TPST2: variants seen among roughly 807,000 people sequenced by gnomAD.
The protein encoded by TPST2 is protein-tyrosine sulfotransferase 2.
In TPST2, 16 loss-of-function variants were observed where a neutral mutation model predicts 27.8. The observed-to-expected ratio is 0.58, with a 90% CI of 0.39 to 0.88. TPST2 has a LOEUF of 0.88. Among genes scored for constraint, TPST2 ranks in the 40% least tolerant of loss-of-function variants. TPST2 has a pLI of 0.00. For synonymous variants in TPST2, 229 were observed against 231.7 expected, an observed-to-expected ratio of 0.99 and a Z score of 0.10; for missense variants, 464 against 543.1, an observed-to-expected ratio of 0.85 and a Z score of 1.45.
At chr22:26,579,630 G>C (rs1928009710) in intron 1 of TPST2, among the ~76,000 whole-genome samples, 11 of 152,212 alleles carry the variant, frequency 7.2e-5, no homozygotes, top group Admixed American at 7.2e-4. Context: ...TCTGTGGCAG[G>C]ATGTCAGCCA....
intron 1 of TPST2, among the ~76,000 whole-genome samples, chr22:26,573,059 T>C (rs1927693327): frequency 6.6e-6 from 1 of 152,218 alleles, no homozygotes; most frequent in Non-Finnish European, 1.5e-5. Flanking sequence ...AGGGCTTTAC[T>C]ACCATATTAG....
chr22:26,569,008 C>T (rs1232259292), intron 1 of TPST2, among the ~76,000 whole-genome samples: 2 of 151,990 alleles, frequency 1.3e-5, no homozygotes, highest in African/African-American at 4.8e-5. Context: ...GGACTACAGG[C>T]GCCCACCACC....
intron 3 of TPST2, among the ~76,000 whole-genome samples, chr22:26,540,366 G>A (rs930772809): frequency 3.3e-5 from 5 of 152,200 alleles, no homozygotes; most frequent in Admixed American, 2.0e-4. Flanking sequence ...CTGGGAGGCT[G>A]AGGTGGAAGA....
At chr22:26,535,068 G>A (rs1925374951) in intron 4 of TPST2, among the ~76,000 whole-genome samples, 1 of 152,192 alleles carries the variant, frequency 6.6e-6, no homozygotes, top group Admixed American at 6.5e-5. Flanking sequence ...AGCCCCCAAA[G>A]CTCAGCGTTA....
At chr22:26,531,234 A>C (rs1925143722) in intron 5 of TPST2, among the ~76,000 whole-genome samples, 1 of 152,102 alleles carries the variant, frequency 6.6e-6, no homozygotes, top group African/African-American at 2.4e-5. Context: ...TCCACTGTGC[A>C]CATAATGTCA....
intron 5 of TPST2, among the ~76,000 whole-genome samples, chr22:26,529,003 A>AAC (rs978878937): frequency 3.8e-4 from 57 of 149,520 alleles, no homozygotes; most frequent in Admixed American, 3.1e-3. Flanking sequence ...AACAAAAACA[A>AAC]AAAAAAAACA....
Position 26,523,771 on chromosome 22 carries a change from T to C in TPST2, c.*2504A>G, listed in dbSNP as rs1924679372. ...AGCTAATTTTTGTATTTTTAGTAGA[T>C]GGGGTTTCGCCACGTTGGCCAGGCT... is the stretch of plus-strand genomic sequence containing the variant. On this transcript the variant is annotated 3_prime_UTR_variant, in exon 7 of 7. Coordinates refer to ENST00000338754, the MANE Select transcript of TPST2 (RefSeq NM_003595.5). The C allele has an allele frequency of 6.6e-6, 1 of 152,120 alleles. No homozygotes were observed. Among genetic ancestry groups the C allele is most frequent in the Non-Finnish European group, 1.5e-5 (1 of 68,034 alleles). The allele number at this position is 152,120 out of a possible 1,614,324, so 9.4% of individuals were successfully genotyped here. A position where few individuals can be genotyped will look rare whatever the true frequency, so the allele number is the denominator to read the frequency against.
At chr22:26,557,131 G>A (rs1291778109) in intron 1 of TPST2, among the ~76,000 whole-genome samples, 2 of 152,260 alleles carry the variant, frequency 1.3e-5, no homozygotes, top group Non-Finnish European at 2.9e-5. Context: ...ACACTGGCAT[G>A]TGACCTTGGC....
chr22:26,528,434 C>A (rs1924963200), intron 5 of TPST2, among the ~76,000 whole-genome samples, 172 bp from the exon 6 acceptor site: 1 of 152,090 alleles, frequency 6.6e-6, no homozygotes, highest in Non-Finnish European at 1.5e-5. Flanking sequence ...CGGGACAGAC[C>A]CAAACCTAGG....
intron 1 of TPST2, chr22:26,561,151 A>G: frequency 6.2e-7 from 1 of 1,605,458 alleles, no homozygotes; most frequent in East Asian, 2.2e-5. Context: ...GATGAAGAAG[A>G]TGATGAATAA....
At chr22:26,562,007 T>C (rs1403794263) in intron 1 of TPST2, among the ~76,000 whole-genome samples, 1 of 152,206 alleles carries the variant, frequency 6.6e-6, no homozygotes, top group Non-Finnish European at 1.5e-5. Flanking sequence ...ATTTCCAGCC[T>C]TGTTTGCTTC....
chr22:26,552,337 G>A (rs1240063702), intron 1 of TPST2, among the ~76,000 whole-genome samples: 1 of 152,096 alleles, frequency 6.6e-6, no homozygotes, highest in African/African-American at 2.4e-5. Flanking sequence ...GGCCAACTGT[G>A]CATTTTTACT....
chr22:26,586,947 A>C (rs1310261560), intron 1 of TPST2, among the ~76,000 whole-genome samples: 1 of 152,220 alleles, frequency 6.6e-6, no homozygotes, highest in Non-Finnish European at 1.5e-5. Context: ...CTGTGTGTGC[A>C]GAATGTTCAC....
At chr22:26,586,290 G>A (rs1242305005) in intron 1 of TPST2, among the ~76,000 whole-genome samples, 2 of 151,544 alleles carry the variant, frequency 1.3e-5, no homozygotes, top group Admixed American at 6.6e-5. Context: ...CTACAATCTC[G>A]CCCTGTTGCC....
chr22:26,530,748 G>T (rs902735192), intron 5 of TPST2, among the ~76,000 whole-genome samples: 2 of 152,122 alleles, frequency 1.3e-5, no homozygotes, highest in Non-Finnish European at 2.9e-5. Flanking sequence ...AGTGGCTCAC[G>T]CCTGTAATCC....
At chr22:26,567,302 A>G (rs1927419165) in intron 1 of TPST2, among the ~76,000 whole-genome samples, 2 of 152,208 alleles carry the variant, frequency 1.3e-5, no homozygotes, top group Admixed American at 6.5e-5. Flanking sequence ...TGCGCTCACC[A>G]CTGGTGCAGT....
At position 26,552,916 on chromosome 22, in the gene TPST2, C is replaced by T. The variant is rs376086116; in HGVS notation, c.-160-8241G>A. On this transcript the variant is annotated intron_variant, in intron 1 of 6. Coordinates refer to ENST00000338754, the MANE Select transcript of TPST2 (RefSeq NM_003595.5). ...CTCTACTAAAAATACAAAAATTAGCCGCGCATGGTGGCGGGCGCCTGTAGT... is the reference window on the plus strand; with the variant it reads ...CTCTACTAAAAATACAAAAATTAGCTGCGCATGGTGGCGGGCGCCTGTAGT... 3.9e-5 allele frequency among the ~76,000 whole-genome samples: 6 copies of T among 151,906 alleles called. 1 individual carries two copies. The highest frequency in any genetic ancestry group is 6.6e-5 in the Admixed American group (1 of 15,232).
At chr22:26,575,487 A>G (rs1927796581) in intron 1 of TPST2, among the ~76,000 whole-genome samples, 1 of 152,154 alleles carries the variant, frequency 6.6e-6, no homozygotes, top group African/African-American at 2.4e-5. Context: ...CATCCTCCGG[A>G]GACAGCGACA....
chr22:26,560,570 A>T, intron 1 of TPST2: 1 of 884,850 alleles, frequency 1.1e-6, no homozygotes. Flanking sequence ...AAATGTCATC[A>T]CATGCATTTT....
Sources: allele counts gnomAD v4.1 joint callset (sites outside exome capture counted in the v4.1 genomes callset), GRCh38; gene constraint gnomAD v4.1.1; transcripts MANE v1.5; gene names NCBI Gene and HGNC (gene_info 2026-07-23, HGNC 2026-07-21).